CACNA2D1: variants seen among roughly 807,000 people sequenced by gnomAD.
CACNA2D1 encodes the protein voltage-dependent calcium channel subunit alpha-2/delta-1.
A neutral mutation model predicts 171.5 loss-of-function variants in CACNA2D1; 53 were observed. The observed-to-expected ratio is 0.31, with a 90% CI of 0.25 to 0.39. CACNA2D1 has a LOEUF of 0.39. Ranked by LOEUF, CACNA2D1 falls within the 10% of genes least tolerant of loss-of-function variation. The pLI, the probability that CACNA2D1 is intolerant of heterozygous loss-of-function variation, is 1.00. For synonymous variants in CACNA2D1, 442 were observed against 443.1 expected (o/e 1.00, Z 0.03); for missense variants, 903 against 1,299.8 (o/e 0.69, Z 4.69).
intron 36 of CACNA2D1, among the ~76,000 whole-genome samples, chr7:81,960,056 T>C (rs1584180642): frequency 6.6e-6 from 1 of 152,236 alleles, no homozygotes; most frequent in South Asian, 2.1e-4. Flanking sequence ...ATATGTTTTA[T>C]GTGTGACCAT....
intron 1 of CACNA2D1, among the ~76,000 whole-genome samples, chr7:82,391,201 C>T (rs1286568939): frequency 6.6e-6 from 1 of 151,992 alleles, no homozygotes; most frequent in African/African-American, 2.4e-5. Flanking sequence ...CACAGAGTAC[C>T]AAGGTGGGAA....
intron 3 of CACNA2D1, among the ~76,000 whole-genome samples, chr7:82,272,474 T>C (rs1253871139): frequency 1.3e-5 from 2 of 152,150 alleles, no homozygotes; most frequent in Non-Finnish European, 2.9e-5. Flanking sequence ...GTAGAAAGGA[T>C]AGCACGCAAC....
At chr7:82,193,832 T>C (rs1554454390) in intron 3 of CACNA2D1, among the ~76,000 whole-genome samples, 1 of 152,046 alleles carries the variant, frequency 6.6e-6, no homozygotes, top group Non-Finnish European at 1.5e-5. Flanking sequence ...AAAATTCATT[T>C]TGTGGTGCTG....
At chr7:82,335,733 C>G (rs1817918209) in intron 2 of CACNA2D1, among the ~76,000 whole-genome samples, 1 of 152,066 alleles carries the variant, frequency 6.6e-6, no homozygotes, top group African/African-American at 2.4e-5. Context: ...ATCTAGATAA[C>G]AAGAGGAGCT....
intron 1 of CACNA2D1, among the ~76,000 whole-genome samples, chr7:82,441,432 C>A (rs937633006): frequency 2.0e-5 from 3 of 151,920 alleles, no homozygotes; most frequent in African/African-American, 7.2e-5. Flanking sequence ...GAATTTTCAT[C>A]GTTAAAAAAA....
rs574830359 is a variant in CACNA2D1 at position 82,239,189 on chromosome 7, A to C, written c.295-68580T>G. Among the ~76,000 whole-genome samples, 5 of 152,282 alleles carry C rather than the reference A, an allele frequency of 3.3e-5. No homozygotes were observed. In the South Asian group the frequency reaches 1.0e-3, roughly 32 times the overall value. ...AGAAATACTACTATGCCAAGAAAATAAGAATATGAATCAGTACGCTCATTG... is the reference window on the plus strand; with the variant it reads ...AGAAATACTACTATGCCAAGAAAATCAGAATATGAATCAGTACGCTCATTG... On this transcript the variant is annotated intron_variant, in intron 3 of 38. Coordinates refer to ENST00000356860, the MANE Select transcript of CACNA2D1 (RefSeq NM_000722.4).
intron 3 of CACNA2D1, among the ~76,000 whole-genome samples, chr7:82,191,418 C>G (rs919712592): frequency 1.3e-5 from 2 of 151,766 alleles, no homozygotes; most frequent in African/African-American, 4.8e-5. Flanking sequence ...CCAGAGCAAT[C>G]TGAATTTATC....
rs569568198 is a variant in CACNA2D1, at chr7:81,973,837, A to C, written c.2053+618T>G. On this transcript the variant is annotated intron_variant, in intron 25 of 38. Coordinates refer to ENST00000356860, the MANE Select transcript of CACNA2D1 (RefSeq NM_000722.4). The stretch of plus-strand genomic sequence containing the variant: ...ATCCATAATTTTCTATTAAGCTTAG[A>C]GTATGAATGATGCAAATTTACCTGA... 2.0e-5 allele frequency among the ~76,000 whole-genome samples: 3 copies of C among 152,148 alleles called. No individual in the cohort carries two copies. The South Asian group carries it at 6.2e-4, about 32-fold the overall frequency.
chr7:82,314,975 CTTT>C (rs35145517), intron 3 of CACNA2D1, among the ~76,000 whole-genome samples: 170 of 124,536 alleles, frequency 1.4e-3, no homozygotes, highest in Non-Finnish European at 1.7e-3. Flanking sequence ...AGCATATTAT[CTTT>C]TTTTTTTTTT....
intron 7 of CACNA2D1, among the ~76,000 whole-genome samples, chr7:82,080,620 A>C (rs1809632047): frequency 6.6e-6 from 1 of 152,214 alleles, no homozygotes; most frequent in African/African-American, 2.4e-5. Flanking sequence ...ACTTACACTA[A>C]CAAGTTATTC....
chr7:82,255,295 T>A (rs1033963633), intron 3 of CACNA2D1, among the ~76,000 whole-genome samples: 1 of 152,162 alleles, frequency 6.6e-6, no homozygotes, highest in African/African-American at 2.4e-5. Flanking sequence ...ACTGTGTTTT[T>A]CCCAATGTGA....
chr7:82,153,281 A>G (rs11770878), intron 4 of CACNA2D1, among the ~76,000 whole-genome samples: 39,571 of 151,756 alleles, frequency 0.26, 6,194 homozygotes, highest in East Asian at 0.45. Context: ...GAATTAATGA[A>G]GAATTAAAAC....
intron 1 of CACNA2D1, among the ~76,000 whole-genome samples, chr7:82,437,630 A>G (rs912371389): frequency 6.6e-6 from 1 of 152,186 alleles, no homozygotes; most frequent in Non-Finnish European, 1.5e-5. Context: ...ATTGAAATTA[A>G]CTATAAAAAG....
intron 3 of CACNA2D1, among the ~76,000 whole-genome samples, chr7:82,197,589 C>G (rs1397511293): frequency 6.6e-6 from 1 of 152,004 alleles, no homozygotes; most frequent in Non-Finnish European, 1.5e-5. Flanking sequence ...GTGTCACAAG[C>G]ACTAAAGAAA....
At chr7:82,295,314 T>C (rs1314821220) in intron 3 of CACNA2D1, among the ~76,000 whole-genome samples, 1 of 150,494 alleles carries the variant, frequency 6.6e-6, no homozygotes, top group Non-Finnish European at 1.5e-5. Flanking sequence ...TATTGTATAC[T>C]TGAAAATGTC....
intron 3 of CACNA2D1, among the ~76,000 whole-genome samples, chr7:82,294,753 T>C (rs1399973137): frequency 6.6e-6 from 1 of 152,156 alleles, no homozygotes. Flanking sequence ...GCCTACAAAG[T>C]AAGTATCAAT....
At chr7:82,279,438 T>C (rs1337891941) in intron 3 of CACNA2D1, among the ~76,000 whole-genome samples, 1 of 152,196 alleles carries the variant, frequency 6.6e-6, no homozygotes, top group Non-Finnish European at 1.5e-5. Context: ...CTATAGAATC[T>C]GATTATCAAC....
intron 1 of CACNA2D1, among the ~76,000 whole-genome samples, chr7:82,434,290 C>G (rs1230072017): frequency 6.6e-6 from 1 of 152,122 alleles, no homozygotes; most frequent in Non-Finnish European, 1.5e-5. Flanking sequence ...TGGTTTTGTA[C>G]AATCTACAAT....
chr7:82,182,241 G>A (rs1797204217), intron 3 of CACNA2D1, among the ~76,000 whole-genome samples: 1 of 151,994 alleles, frequency 6.6e-6, no homozygotes, highest in Admixed American at 6.6e-5. Context: ...AAGGTAGAAG[G>A]AAGAAAACTG....
Sources: gnomAD v4.1 joint callset for allele counts (sites outside exome capture counted in the v4.1 genomes callset) on GRCh38, gnomAD v4.1.1 for gene constraint, MANE v1.5 for transcripts, NCBI Gene and HGNC (gene_info 2026-07-23, HGNC 2026-07-21) for gene names.